Variants in CABLES1 observed in about 807,000 individuals in gnomAD.
CABLES1 encodes Cdk5 and Abl enzyme substrate 1.
CABLES1 carries 36 observed loss-of-function variants against 57.8 expected under a neutral mutation model. The observed-to-expected ratio is 0.62, with a 90% CI of 0.48 to 0.82. The LOEUF (loss-of-function observed/expected upper bound fraction) is 0.82. Among genes scored for constraint, CABLES1 ranks in the 40% least tolerant of loss-of-function variants. The pLI is 0.00. For synonymous variants in CABLES1, 374 were observed against 363.0 expected (o/e 1.03, Z -0.35); for missense variants, 767 against 836.6 (o/e 0.92, Z 1.03).
At chr18:23,137,741 A>G (rs1052954148) in intron 1 of CABLES1, among the ~76,000 whole-genome samples, 3 of 152,176 alleles carry the variant, frequency 2.0e-5, no homozygotes, top group African/African-American at 7.2e-5. Context: ...CCTCATCCAC[A>G]AGTTTGCCCC....
intron 1 of CABLES1, among the ~76,000 whole-genome samples, chr18:23,146,615 G>C (rs2046892827): frequency 6.6e-6 from 1 of 152,208 alleles, no homozygotes; most frequent in Non-Finnish European, 1.5e-5. Context: ...TCAATTGTAG[G>C]ATTCCATTTA....
At chr18:23,187,843 T>G (rs1425841152) in intron 1 of CABLES1, among the ~76,000 whole-genome samples, 4 of 152,082 alleles carry the variant, frequency 2.6e-5, no homozygotes, top group Non-Finnish European at 2.9e-5. Flanking sequence ...TCAGAAAAAG[T>G]ACACACAAAA....
intron 1 of CABLES1, among the ~76,000 whole-genome samples, chr18:23,161,268 CTCTCTT>C (rs1321514159): frequency 6.6e-6 from 1 of 151,994 alleles, no homozygotes; most frequent in Non-Finnish European, 1.5e-5. Context: ...TAAAAAACAA[CTCTCTT>C]TATCATGTCT....
intron 1 of CABLES1, among the ~76,000 whole-genome samples, chr18:23,179,342 C>A (rs2047147652): frequency 6.6e-6 from 1 of 152,094 alleles, no homozygotes; most frequent in Non-Finnish European, 1.5e-5. Flanking sequence ...TCTAACCATC[C>A]CTCCTTTTCT....
chr18:23,226,401 CAA>C (rs35135711), intron 4 of CABLES1, among the ~76,000 whole-genome samples: 6,861 of 131,034 alleles, frequency 0.052, 506 homozygotes, highest in Admixed American at 0.22. Context: ...GACTTCATCT[CAA>C]AAAAAAAAAA....
rs1055377353 is a variant in CABLES1, at chr18:23,136,051, G to A, written c.289G>A (p.Gly97Ser). 5.7e-6 allele frequency: 4 copies of A among 698,804 alleles called. No homozygotes were observed. The African/African-American group carries it at 1.2e-4, about 21-fold the overall frequency. 43.3% of individuals were successfully genotyped at this position (698,804 alleles called of 1,614,324 possible). Reference protein sequence around the residue: ...GGEEGGAAKPGAGGACGARTR... With the variant: ...GGEEGGAAKPSAGGACGARTR... Reference sequence around the variant, plus strand: ...CGAGGAGGGCGGCGCGGCCAAGCCGGGCGCCGGCGGCGCCTGCGGCGCGAG... The same window carrying A: ...CGAGGAGGGCGGCGCGGCCAAGCCGAGCGCCGGCGGCGCCTGCGGCGCGAG... Residue 97 changes from glycine (G) to serine (S), a missense_variant, in exon 1 of 10, where the codon GGC (glycine) becomes AGC (serine). Coordinates refer to ENST00000256925, the MANE Select transcript of CABLES1 (RefSeq NM_001100619.3).
At position 23,236,018 on chromosome 18, in the gene CABLES1, C is replaced by T. The variant is rs747187266; in HGVS notation, c.1309C>T (p.Arg437Trp). 3.1e-6 allele frequency: 5 copies of T among 1,614,074 alleles called. No individual in the cohort carries two copies. Among genetic ancestry groups the T allele is most frequent in the South Asian group, 1.1e-5 (1 of 91,084 alleles). Residue 437 changes from arginine (R) to tryptophan (W), a missense_variant, in exon 6 of 10, where the codon CGG becomes TGG. Arg to Trp is a moderately radical substitution (Grantham distance 101). This residue lies in a region of CABLES1 where 529 missense variants were observed against 622.8 expected (regional missense o/e 0.85). Transcript: ENST00000256925. ...NLSHRSLSIG[R>W]ASGTQGSLDT... Reference sequence around the variant, plus strand: ...GAGCCACCGCAGCCTCTCCATAGGCCGGGCAAGCGGCACCCAGGGGAGCCT... The same window carrying T: ...GAGCCACCGCAGCCTCTCCATAGGCTGGGCAAGCGGCACCCAGGGGAGCCT...
At chr18:23,136,652 C>G in intron 1 of CABLES1, 45 bp downstream of exon 1, 3 of 1,235,862 alleles carry the variant, frequency 2.4e-6, no homozygotes, top group East Asian at 2.8e-5. Flanking sequence ...GCGTCCCGCC[C>G]GGCGCTCCCA....
intron 1 of CABLES1, among the ~76,000 whole-genome samples, chr18:23,158,018 A>C (rs1424200408): frequency 2.6e-5 from 4 of 151,216 alleles, no homozygotes; most frequent in African/African-American, 7.3e-5. Flanking sequence ...TCAGTGGCTT[A>C]TGCCTGTAAT....
At chr18:23,194,742 C>G (rs952627007) in intron 3 of CABLES1, among the ~76,000 whole-genome samples, 2 of 152,188 alleles carry the variant, frequency 1.3e-5, no homozygotes, top group African/African-American at 4.8e-5. Context: ...ATAATGAATG[C>G]TCTCTAAGGC....
At chr18:23,237,866 C>T (rs2047641730) in intron 7 of CABLES1, among the ~76,000 whole-genome samples, 1 of 151,064 alleles carries the variant, frequency 6.6e-6, no homozygotes, top group African/African-American at 2.4e-5. Context: ...TGGCGGGGCC[C>T]TGGGCGCTTT....
intron 1 of CABLES1, among the ~76,000 whole-genome samples, chr18:23,186,444 A>G (rs2047203374): frequency 1.3e-5 from 2 of 149,780 alleles, no homozygotes; most frequent in South Asian, 2.1e-4. Flanking sequence ...TTTTTCCCCA[A>G]GACGGAGTTT....
At chr18:23,252,228 G>GT (rs2048056664) in intron 7 of CABLES1, among the ~76,000 whole-genome samples, 1 of 152,226 alleles carries the variant, frequency 6.6e-6, no homozygotes, top group African/African-American at 2.4e-5. Flanking sequence ...TGGATGGGGA[G>GT]TTGGCATTTA....
At position 23,259,817 on chromosome 18, in the gene CABLES1, C is replaced by T. The variant is rs1186418208; in HGVS notation, c.*2450C>T. 2 of 152,262 alleles carry T rather than the reference C, an allele frequency of 1.3e-5. No individual in the cohort carries two copies. Among genetic ancestry groups the T allele is most frequent in the African/African-American group, 4.8e-5 (2 of 41,422 alleles). The allele number at this position is 152,262 out of a possible 1,614,324, so 9.4% of individuals were successfully genotyped here. On this transcript the variant is annotated 3_prime_UTR_variant, in exon 10 of 10. Coordinates refer to ENST00000256925, the MANE Select transcript of CABLES1 (RefSeq NM_001100619.3). ...CAGTAGACTGGCTCTGAGGTTTTGC[C>T]CTTTGACCTCCTCCACAGAGGGCAG...
At chr18:23,183,791 A>G (rs1186153414) in intron 1 of CABLES1, among the ~76,000 whole-genome samples, 2 of 152,206 alleles carry the variant, frequency 1.3e-5, no homozygotes, top group African/African-American at 4.8e-5. Context: ...CTGCTTGTTA[A>G]GTCTATAATG....
intron 4 of CABLES1, among the ~76,000 whole-genome samples, chr18:23,224,512 G>A (rs1474138337): frequency 6.8e-6 from 1 of 147,200 alleles, no homozygotes; most frequent in African/African-American, 2.5e-5. Context: ...AGCTGTAGTA[G>A]ATATTCATTA....
chr18:23,239,729 C>T (rs2145092600), intron 7 of CABLES1, among the ~76,000 whole-genome samples: 1 of 152,360 alleles, frequency 6.6e-6, no homozygotes, highest in Admixed American at 6.5e-5. Context: ...CACAACCCCT[C>T]TTCTCCTCCA....
Position 23,180,060 on chromosome 18 carries a change from A to T in CABLES1, c.846-8778A>T, listed in dbSNP as rs1280759098. Among the ~76,000 whole-genome samples, 3 of 151,936 alleles carry T rather than the reference A, an allele frequency of 2.0e-5. No individual in the cohort carries two copies. In the East Asian group the frequency reaches 5.8e-4, roughly 29 times the overall value. On this transcript the variant is annotated intron_variant, in intron 1 of 9. Transcript: ENST00000256925. Reference sequence around the variant, plus strand: ...CAGCCTTCTGAGTAGCTGGGACTACAGGCGCCCGCCACCACGCCCGGCTAA... The same window carrying T: ...CAGCCTTCTGAGTAGCTGGGACTACTGGCGCCCGCCACCACGCCCGGCTAA...
chr18:23,192,616 T>C (rs1244550632), intron 2 of CABLES1, among the ~76,000 whole-genome samples: 1 of 152,244 alleles, frequency 6.6e-6, no homozygotes, highest in Non-Finnish European at 1.5e-5. Flanking sequence ...CAGGAAGCTC[T>C]GCTCCTGGGA....
Sources: gnomAD v4.1 joint callset for allele counts (sites outside exome capture counted in the v4.1 genomes callset) on GRCh38, gnomAD v4.1.1 for gene constraint, gnomAD v4.1.1 regional missense constraint, MANE v1.5 for transcripts, NCBI Gene and HGNC (gene_info 2026-07-23, HGNC 2026-07-21) for gene names.